Variants in ACBD7 observed in about 807,000 individuals in gnomAD.
ACBD7 encodes the protein acyl-CoA binding domain containing 7, also known as acyl-CoA-binding domain-containing protein 7.
In ACBD7, 11 loss-of-function variants were observed where a neutral mutation model predicts 13.7. The ratio of observed to expected loss-of-function variants is 0.80; its 90% CI spans 0.50 to 1.33. The LOEUF is 1.33. ACBD7 is among the 40% of genes most tolerant of loss of function. ACBD7 has a pLI of 0.00. For synonymous variants in ACBD7, 43 were observed against 37.7 expected, an observed-to-expected ratio of 1.14 and a Z score of -0.51; for missense variants, 111 against 103.0, an observed-to-expected ratio of 1.08 and a Z score of -0.33.
At chr10:15,083,829 C>G (rs1305354639) in intron 1 of ACBD7, among the ~76,000 whole-genome samples, 2 of 152,196 alleles carry the variant, frequency 1.3e-5, no homozygotes, top group Non-Finnish European at 2.9e-5. Context: ...TCTGCCCTCC[C>G]AGAGTTCATC....
At chr10:15,082,834 C>T (rs558383979) in intron 1 of ACBD7, among the ~76,000 whole-genome samples, 4 of 151,956 alleles carry the variant, frequency 2.6e-5, no homozygotes, top group Non-Finnish European at 4.4e-5. Context: ...GTCAAGAGTT[C>T]GAGACCAGCC....
chr10:15,085,881 C>T (rs1197962219), intron 1 of ACBD7, among the ~76,000 whole-genome samples: 1 of 152,198 alleles, frequency 6.6e-6, no homozygotes, highest in Non-Finnish European at 1.5e-5. Context: ...GAACTAGTCA[C>T]CTTTCCTCTC....
chr10:15,076,069 A>T lies in ACBD7; in HGVS notation c.*2461T>A, dbSNP rs1432836483. 1 of 969,294 alleles carries T rather than the reference A, an allele frequency of 1.0e-6. No individual in the cohort carries two copies. The highest frequency in any genetic ancestry group is 1.8e-5 in the African/African-American group (1 of 56,842). 60.0% of individuals were successfully genotyped at this position (969,294 alleles called of 1,614,324 possible). A position where few individuals can be genotyped will look rare whatever the true frequency, so the allele number is the denominator to read the frequency against. On this transcript the variant is annotated 3_prime_UTR_variant, in exon 4 of 4. Transcript: ENST00000356189. ...TGGGGACTGGCTTTTTCTGCTCAGC[A>T]TAATTCCCTGGAAATTCATCTAGCA...
chr10:15,088,558 T>G (rs1417926758), intron 1 of ACBD7, 159 bp downstream of exon 1: 2 of 993,542 alleles, frequency 2.0e-6, no homozygotes, highest in Non-Finnish European at 2.8e-6. Flanking sequence ...CAGGCACAGG[T>G]GCGGTCTACA....
intron 1 of ACBD7, chr10:15,088,409 G>C (rs1439238455): frequency 1.0e-5 from 5 of 492,734 alleles, no homozygotes; most frequent in Non-Finnish European, 1.4e-5. Context: ...GCGGGAGCGG[G>C]GGATCTCGAC....
rs370848708 is a variant in ACBD7 at position 15,075,844 on chromosome 10, C to T, written c.*2686G>A. ...CAAAAATTAGCTGGGCATGGTTGCA[C>T]GCACCTGTAGTCCCAGCTACTCTGG... is the stretch of plus-strand genomic sequence containing the variant. On this transcript the variant is annotated 3_prime_UTR_variant, in exon 4 of 4. Transcript: ENST00000356189. Among the ~76,000 whole-genome samples the T allele has an allele frequency of 3.3e-5, 5 of 151,802 alleles. No homozygotes were observed. Among genetic ancestry groups the T allele is most frequent in the East Asian group, 1.9e-4 (1 of 5,176 alleles).
At chr10:15,079,348 C>T (rs568187463) in intron 1 of ACBD7, among the ~76,000 whole-genome samples, 5 of 150,286 alleles carry the variant, frequency 3.3e-5, no homozygotes, top group African/African-American at 4.9e-5. Flanking sequence ...CGTCTCCACT[C>T]ACTGCAACCT....
At chr10:15,082,479 G>C (rs571535913) in intron 1 of ACBD7, among the ~76,000 whole-genome samples, 1 of 152,248 alleles carries the variant, frequency 6.6e-6, no homozygotes, top group South Asian at 2.1e-4. Flanking sequence ...AAGTTATGTA[G>C]TTTTAAAATA....
rs1844687202 is a variant in ACBD7 at position 15,076,788 on chromosome 10, C to G, written c.*1742G>C. The G allele has an allele frequency of 4.1e-6, 4 of 985,226 alleles. No individual in the cohort carries two copies. The highest frequency in any genetic ancestry group is 4.8e-6 in the Non-Finnish European group (4 of 829,870). 61.0% of individuals were successfully genotyped at this position (985,226 alleles called of 1,614,324 possible). On this transcript the variant is annotated 3_prime_UTR_variant, in exon 4 of 4. Transcript: ENST00000356189. ...AAAGTGCTGAGATTAGAGGCGTGAG[C>G]CACCACGCTCAGCCTTGCCATTGAT... is the stretch of plus-strand genomic sequence containing the variant.
In ACBD7 at chr10:15,088,751, C is replaced by T. The variant is rs956104033; in HGVS notation, c.-23G>A. 1.3e-6 allele frequency: 2 copies of T among 1,598,332 alleles called. No homozygotes were observed. Among genetic ancestry groups the T allele is most frequent in the Non-Finnish European group, 1.7e-6 (2 of 1,175,268 alleles). On this transcript the variant is annotated 5_prime_UTR_variant, in exon 1 of 4. Transcript: ENST00000356189. ...CATGGTGGCGGCTGCCGCGTTGTTG[C>T]TGCTGCTGTTGTCGTCCGGTGCTCT...
chr10:15,082,967 G>T (rs545065764), intron 1 of ACBD7, among the ~76,000 whole-genome samples: 21 of 152,166 alleles, frequency 1.4e-4, no homozygotes, highest in African/African-American at 4.6e-4. Context: ...GAACCCAGGA[G>T]CAGAGGTTGC....
At position 15,085,316 on chromosome 10, in the gene ACBD7, G is replaced by A. The variant is rs867638678; in HGVS notation, c.12+3401C>T. On this transcript the variant is annotated intron_variant, in intron 1 of 3. Coordinates refer to ENST00000356189, the MANE Select transcript of ACBD7 (RefSeq NM_001039844.3). The stretch of plus-strand genomic sequence containing the variant: ...ATCACTCACACTGGGTACATCCTGG[G>A]TGCATCCTTCCGTGCTGACTAGGCG... Among the ~76,000 whole-genome samples, 4 of 152,292 alleles carry A rather than the reference G, an allele frequency of 2.6e-5. No homozygotes were observed. The Middle Eastern group carries it at 0.014, about 518-fold the overall frequency.
In ACBD7 at chr10:15,078,429, T is replaced by C. The variant is rs1844708605; in HGVS notation, c.*101A>G. On this transcript the variant is annotated 3_prime_UTR_variant, in exon 4 of 4. Coordinates refer to ENST00000356189, the MANE Select transcript of ACBD7 (RefSeq NM_001039844.3). ...ACAGCTCATGCTAATAGCAAAAATATACATGATACATCAAGTTAACAGTAT... is the reference window on the plus strand; with the variant it reads ...ACAGCTCATGCTAATAGCAAAAATACACATGATACATCAAGTTAACAGTAT... 3 of 1,594,340 alleles carry C rather than the reference T, an allele frequency of 1.9e-6. No homozygotes were observed. Among genetic ancestry groups the C allele is most frequent in the South Asian group, 1.1e-5 (1 of 89,254 alleles).
chr10:15,077,090 T>C lies in ACBD7; in HGVS notation c.*1440A>G. On this transcript the variant is annotated 3_prime_UTR_variant, in exon 4 of 4. Coordinates refer to ENST00000356189, the MANE Select transcript of ACBD7 (RefSeq NM_001039844.3). The stretch of plus-strand genomic sequence containing the variant: ...CCCAGCAATCCCACTACTGGGTATC[T>C]TCTTAAAGGAAAATAAATCATTCTA... 1 of 220,822 alleles carries C rather than the reference T, an allele frequency of 4.5e-6. No homozygotes were observed. The highest frequency in any genetic ancestry group is 7.6e-6 in the Non-Finnish European group (1 of 130,916). 13.7% of individuals were successfully genotyped at this position (220,822 alleles called of 1,614,324 possible). A position where few individuals can be genotyped will look rare whatever the true frequency, so the allele number is the denominator to read the frequency against.
chr10:15,079,483 C>T (rs1844724450), intron 1 of ACBD7, among the ~76,000 whole-genome samples: 1 of 151,806 alleles, frequency 6.6e-6, no homozygotes, highest in African/African-American at 2.4e-5. Flanking sequence ...TCATGTTGGC[C>T]AGGCTTGTCT....
At chr10:15,084,511 G>T (rs963766382) in intron 1 of ACBD7, among the ~76,000 whole-genome samples, 1 of 152,170 alleles carries the variant, frequency 6.6e-6, no homozygotes, top group Non-Finnish European at 1.5e-5. Context: ...AGCAACAAAA[G>T]CCGAGATTTA....
rs73602444 is a variant in ACBD7, at chr10:15,085,936, G to T, written c.12+2781C>A. ...CTTGGCAGAACACTAGTACCAATAT[G>T]ATCCCCGCACATGCCAGTGAGGTAA... is the stretch of plus-strand genomic sequence containing the variant. On this transcript the variant is annotated intron_variant, in intron 1 of 3. Transcript: ENST00000356189. Among the ~76,000 whole-genome samples, 747 of 152,288 alleles carry T rather than the reference G, an allele frequency of 4.9e-3. 9 individuals are homozygous for T. The highest frequency in any genetic ancestry group is 0.017 in the African/African-American group (720 of 41,552).
Position 15,088,163 on chromosome 10 carries a change from G to C in ACBD7, c.12+554C>G, listed in dbSNP as rs188797693. On this transcript the variant is annotated intron_variant, in intron 1 of 3. Transcript: ENST00000356189. ...TACACACATGGAAAATAACATACTA[G>C]GACATACTAGGAATTACCCTAGCAT... 5.4e-3 allele frequency: 829 copies of C among 153,012 alleles called. 5 individuals are homozygous for C. The highest frequency in any genetic ancestry group is 0.01 in the Middle Eastern group (3 of 296). The allele number at this position is 153,012 out of a possible 1,614,324, so 9.5% of individuals were successfully genotyped here. A position where few individuals can be genotyped will look rare whatever the true frequency, so the allele number is the denominator to read the frequency against.
chr10:15,083,889 G>T (rs1309603836), intron 1 of ACBD7, among the ~76,000 whole-genome samples: 1 of 152,226 alleles, frequency 6.6e-6, no homozygotes, highest in Admixed American at 6.5e-5. Context: ...CCTCCGACAG[G>T]CCAGGCCTTT....
Sources: allele counts gnomAD v4.1 joint callset (sites outside exome capture counted in the v4.1 genomes callset), GRCh38; gene constraint gnomAD v4.1.1; transcripts MANE v1.5; gene names NCBI Gene and HGNC (gene_info 2026-07-23, HGNC 2026-07-21).